Variants in TSPAN5 observed in about 807,000 individuals in gnomAD.
The protein encoded by TSPAN5 is tetraspanin 5.
Under a neutral mutation model 37.1 loss-of-function variants are expected in TSPAN5, and 10 were observed. The ratio of observed to expected loss-of-function variants is 0.27; its 90% CI spans 0.17 to 0.46. The LOEUF is 0.46. Ranked by LOEUF, TSPAN5 falls within the 20% of genes least tolerant of loss-of-function variation. The pLI is 1.00. For missense variants in TSPAN5, 195 were observed against 326.6 expected (o/e 0.60, Z 3.11); for synonymous variants, 110 against 118.9 (o/e 0.93, Z 0.48).
chr4:98,608,517 G>A (rs934341145), intron 1 of TSPAN5, among the ~76,000 whole-genome samples: 11 of 152,156 alleles, frequency 7.2e-5, no homozygotes, highest in African/African-American at 2.7e-4. Flanking sequence ...CAGTCACCAC[G>A]GAGAGGAACA....
chr4:98,640,323 C>T (rs987330995), intron 1 of TSPAN5, among the ~76,000 whole-genome samples: 1 of 152,100 alleles, frequency 6.6e-6, no homozygotes, highest in African/African-American at 2.4e-5. Flanking sequence ...ATTCAACTAA[C>T]GTATTTCAAT....
chr4:98,493,772 T>C (rs1284154441), intron 2 of TSPAN5, among the ~76,000 whole-genome samples: 2 of 152,184 alleles, frequency 1.3e-5, no homozygotes. Context: ...GCCTCTGAGG[T>C]CTACAGCTGT....
intron 7 of TSPAN5, among the ~76,000 whole-genome samples, chr4:98,474,045 T>C (rs920473330): frequency 1.3e-5 from 2 of 152,252 alleles, no homozygotes; most frequent in African/African-American, 4.8e-5. Flanking sequence ...GTTTTAAATT[T>C]TGAAGTCCAA....
At chr4:98,513,136 A>G (rs978305602) in intron 1 of TSPAN5, among the ~76,000 whole-genome samples, 1 of 152,214 alleles carries the variant, frequency 6.6e-6, no homozygotes, top group African/African-American at 2.4e-5. Flanking sequence ...GAGAAGCATG[A>G]CAAGTAAACA....
chr4:98,504,464 C>T (rs1753429367), intron 2 of TSPAN5, among the ~76,000 whole-genome samples: 1 of 152,188 alleles, frequency 6.6e-6, no homozygotes, highest in African/African-American at 2.4e-5. Context: ...CAAGAGACCA[C>T]AAAACAAACC....
intron 1 of TSPAN5, among the ~76,000 whole-genome samples, chr4:98,616,923 A>C (rs1485153748): frequency 1.4e-5 from 2 of 146,032 alleles, no homozygotes; most frequent in African/African-American, 5.2e-5. Flanking sequence ...TACTGGGCTC[A>C]AGCCATCCTC....
At chr4:98,651,232 T>C (rs1234377867) in intron 1 of TSPAN5, among the ~76,000 whole-genome samples, 2 of 152,170 alleles carry the variant, frequency 1.3e-5, no homozygotes, top group African/African-American at 2.4e-5. Context: ...AGCCTGAATC[T>C]AAGCTTGTGA....
chr4:98,511,650 GA>G (rs1259879241), intron 1 of TSPAN5, among the ~76,000 whole-genome samples: 1 of 152,080 alleles, frequency 6.6e-6, no homozygotes, highest in Non-Finnish European at 1.5e-5. Flanking sequence ...GCTGAATTTT[GA>G]AAACTTAATA....
intron 1 of TSPAN5, among the ~76,000 whole-genome samples, chr4:98,624,943 T>TGAGGTG: frequency 6.6e-6 from 1 of 152,192 alleles, no homozygotes; most frequent in Non-Finnish European, 1.5e-5. Flanking sequence ...TTAATGAACG[T>TGAGGTG]ATTTTTAGAC....
rs888508144 is a variant in TSPAN5, at chr4:98,571,423, C to T, written c.82-63695G>A. Among the ~76,000 whole-genome samples, 7 of 146,038 alleles carry T rather than the reference C, an allele frequency of 4.8e-5. No homozygotes were observed. The South Asian group carries it at 8.8e-4, about 18-fold the overall frequency. ...AGGCAGCCTGGAGCATTGCAACCAACAAGAAGTTCTCCCACAAACCGTTCT... is the reference window on the plus strand; with the variant it reads ...AGGCAGCCTGGAGCATTGCAACCAATAAGAAGTTCTCCCACAAACCGTTCT... On this transcript the variant is annotated intron_variant, in intron 1 of 7. Coordinates refer to ENST00000305798, the MANE Select transcript of TSPAN5 (RefSeq NM_005723.4).
intron 1 of TSPAN5, among the ~76,000 whole-genome samples, chr4:98,581,824 T>C (rs1755376247): frequency 6.6e-6 from 1 of 152,224 alleles, no homozygotes; most frequent in Non-Finnish European, 1.5e-5. Context: ...TAAGAGACCC[T>C]CTGCATGAAA....
chr4:98,627,943 T>C (rs551513866), intron 1 of TSPAN5, among the ~76,000 whole-genome samples: 4 of 152,200 alleles, frequency 2.6e-5, no homozygotes, highest in Non-Finnish European at 5.9e-5. Flanking sequence ...AAACTGGAAG[T>C]TACAGGCAAC....
At position 98,472,358 on chromosome 4, in the gene TSPAN5, A is replaced by G. The variant is rs1752606754; in HGVS notation, c.*164T>C. 2 of 493,620 alleles carry G rather than the reference A, an allele frequency of 4.1e-6. No homozygotes were observed. The highest frequency in any genetic ancestry group is 8.5e-5 in the South Asian group (2 of 23,642). The allele number at this position is 493,620 out of a possible 1,614,324, so 30.6% of individuals were successfully genotyped here. On this transcript the variant is annotated 3_prime_UTR_variant, in exon 8 of 8. Coordinates refer to ENST00000305798, the MANE Select transcript of TSPAN5 (RefSeq NM_005723.4). ...ATTTTTTTTTTTAATTCTGTCAGTG[A>G]GCAGCATTTCCCAGTTTTACACTCC...
At chr4:98,576,577 G>A (rs780855272) in intron 1 of TSPAN5, among the ~76,000 whole-genome samples, 8 of 152,128 alleles carry the variant, frequency 5.3e-5, no homozygotes, top group South Asian at 2.1e-4. Flanking sequence ...TTAGCCAGGC[G>A]TGGTGGCATG....
intron 1 of TSPAN5, among the ~76,000 whole-genome samples, chr4:98,567,659 G>T (rs1755034901): frequency 1.3e-5 from 2 of 152,226 alleles, no homozygotes; most frequent in African/African-American, 4.8e-5. Flanking sequence ...ACCACAGGAG[G>T]TCAGAGAAGA....
Position 98,628,741 on chromosome 4 carries a change from C to T in TSPAN5, c.81+29405G>A, listed in dbSNP as rs553863489. On this transcript the variant is annotated intron_variant, in intron 1 of 7. Coordinates refer to ENST00000305798, the MANE Select transcript of TSPAN5 (RefSeq NM_005723.4). ...CTTCTAAGCATAGGAATCTGCAACACCAGCTTTTAAAACAACTAAAACAAA... is the reference window on the plus strand; with the variant it reads ...CTTCTAAGCATAGGAATCTGCAACATCAGCTTTTAAAACAACTAAAACAAA... Among the ~76,000 whole-genome samples the T allele has an allele frequency of 1.7e-3, 257 of 152,272 alleles. 1 individual carries two copies. The Middle Eastern group carries it at 0.034, about 20-fold the overall frequency.
chr4:98,486,373 C>T (rs1464198770), intron 3 of TSPAN5, among the ~76,000 whole-genome samples: 1 of 152,184 alleles, frequency 6.6e-6, no homozygotes, highest in Non-Finnish European at 1.5e-5. Context: ...AAACCAACAG[C>T]CTGCACAGCT....
intron 3 of TSPAN5, chr4:98,482,484 C>T (rs1365904305): frequency 4.8e-6 from 1 of 206,764 alleles, no homozygotes; most frequent in Non-Finnish European, 9.6e-6. Context: ...TAATTAATTT[C>T]TCATGATTAA....
At chr4:98,577,529 T>C (rs6844261) in intron 1 of TSPAN5, among the ~76,000 whole-genome samples, 93,878 of 152,006 alleles carry the variant, frequency 0.62, 29,079 homozygotes, top group South Asian at 0.66. Flanking sequence ...CCAACAACTT[T>C]ACCTGTGGTA....
Sources: gnomAD v4.1 joint callset for allele counts (sites outside exome capture counted in the v4.1 genomes callset) on GRCh38, gnomAD v4.1.1 for gene constraint, MANE v1.5 for transcripts, NCBI Gene and HGNC (gene_info 2026-07-23, HGNC 2026-07-21) for gene names.